NFASC: variants seen among roughly 807,000 people sequenced by gnomAD.
The protein encoded by NFASC is neurofascin homolog.
NFASC carries 43 observed loss-of-function variants against 147.5 expected under a neutral mutation model. That is an observed-to-expected ratio of 0.29 (90% CI 0.23 to 0.38). NFASC has a LOEUF of 0.38. NFASC is among the 10% of genes least tolerant of loss of function. The pLI is 1.00. For missense variants in NFASC, 1,320 were observed against 1,689.0 expected (o/e 0.78, Z 3.83); for synonymous variants, 622 against 665.5 (o/e 0.93, Z 1.01).
rs2095208248 is a variant in NFASC, at chr1:204,970,586, TC to T, written c.1004-26del. 1.9e-6 allele frequency: 3 copies of T among 1,612,702 alleles called. No homozygotes were observed. In the African/African-American group the frequency reaches 4.0e-5, roughly 22 times the overall value. ...TTCTGCCTGTCCCATGCCATCTAAC[TC>T]CCCTGCCTGTGTCTGTCTTGTCTTC... On this transcript the variant is annotated intron_variant, in intron 10 of 29. Coordinates refer to ENST00000339876, the MANE Select transcript of NFASC (RefSeq NM_001005388.3).
chr1:204,838,427 C>A (rs1024113543), intron 1 of NFASC, among the ~76,000 whole-genome samples: 4 of 152,110 alleles, frequency 2.6e-5, no homozygotes, highest in African/African-American at 9.7e-5. Context: ...CATGCTGAAT[C>A]CAAACTGAAG....
chr1:204,994,842 G>A (rs1373259606), intron 24 of NFASC, among the ~76,000 whole-genome samples: 2 of 152,262 alleles, frequency 1.3e-5, no homozygotes, highest in East Asian at 1.9e-4. Flanking sequence ...ATATACTATT[G>A]ATAAGGAACT....
chr1:204,958,314 G>A (rs908329553), intron 8 of NFASC, among the ~76,000 whole-genome samples: 1 of 152,140 alleles, frequency 6.6e-6, no homozygotes, highest in African/African-American at 2.4e-5. Context: ...GAAAATTAGT[G>A]GAGACACCAA....
At chr1:204,926,088 G>A (rs2802851) in intron 2 of NFASC, among the ~76,000 whole-genome samples, 43,755 of 151,026 alleles carry the variant, frequency 0.29, 7,384 homozygotes, top group Non-Finnish European at 0.39. Context: ...CAAGATCTTA[G>A]CCCTAGGTCT....
At chr1:204,941,097 C>T (rs1006555712) in intron 2 of NFASC, among the ~76,000 whole-genome samples, 2 of 152,198 alleles carry the variant, frequency 1.3e-5, no homozygotes, top group Non-Finnish European at 2.9e-5. Context: ...TGGAAAATCC[C>T]TGGACTAGGA....
chr1:205,014,699 G>T (rs1412857502), intron 29 of NFASC, among the ~76,000 whole-genome samples: 1 of 152,142 alleles, frequency 6.6e-6, no homozygotes, highest in Admixed American at 6.5e-5. Flanking sequence ...GCATGCTACA[G>T]ATCTCTTCCC....
chr1:205,001,071 A>G, intron 25 of NFASC, 99 bp from the exon 26 acceptor site: 2 of 736,768 alleles, frequency 2.7e-6, no homozygotes, highest in Middle Eastern at 3.4e-4. Flanking sequence ...GAGTGTGGGC[A>G]TGTGCGTGCA....
At position 204,981,233 on chromosome 1, in the gene NFASC, G is replaced by A. The variant is rs111952993; in HGVS notation, c.2248-565G>A. Among the ~76,000 whole-genome samples the A allele has an allele frequency of 1.2e-3, 190 of 152,376 alleles. 1 individual carries two copies. The highest frequency in any genetic ancestry group is 4.2e-3 in the African/African-American group (176 of 41,594). ...ATTCAGGACCCTGGTCTGTGGCTCT[G>A]TATAGCAGGCTCCAAGAGGACTGAT... On this transcript the variant is annotated intron_variant, in intron 20 of 29. Transcript: ENST00000339876.
intron 1 of NFASC, among the ~76,000 whole-genome samples, chr1:204,886,019 C>T (rs995599588): frequency 6.6e-6 from 1 of 152,216 alleles, no homozygotes; most frequent in Admixed American, 6.5e-5. Flanking sequence ...GGCTGCAGCA[C>T]ATTCTTTGAA....
At chr1:204,884,835 C>A (rs777212305) in intron 1 of NFASC, among the ~76,000 whole-genome samples, 13 of 152,040 alleles carry the variant, frequency 8.6e-5, no homozygotes, top group Non-Finnish European at 1.8e-4. Context: ...ATGCTGGGTG[C>A]TATGGGAAAT....
rs1297621414 is a variant in NFASC, at chr1:204,976,719, G to A, written c.1755G>A (p.Arg585=). The change falls in exon 16 of 30, where the codon CGG becomes CGA. Residue 585 remains arginine (R), a synonymous_variant. Coordinates refer to ENST00000339876, the MANE Select transcript of NFASC (RefSeq NM_001005388.3). Reference sequence around the variant, plus strand: ...TGACCATCTTTGGGGTGGCAGAGCGGGACCAGGGCAGTTACACGTGTGTCG... The same window carrying A: ...TGACCATCTTTGGGGTGGCAGAGCGAGACCAGGGCAGTTACACGTGTGTCG... ...DSLTIFGVAE[R]DQGSYTCVAS... The A allele has an allele frequency of 1.2e-6, 2 of 1,613,892 alleles. No homozygotes were observed. The highest frequency in any genetic ancestry group is 1.7e-6 in the Non-Finnish European group (2 of 1,179,952).
At chr1:204,956,362 C>G (rs564779217) in intron 7 of NFASC, among the ~76,000 whole-genome samples, 2 of 152,320 alleles carry the variant, frequency 1.3e-5, no homozygotes, top group East Asian at 3.9e-4. Context: ...CTCTCCAGCC[C>G]TTGTCTCCCC....
intron 8 of NFASC, among the ~76,000 whole-genome samples, chr1:204,964,702 A>G (rs920578229): frequency 6.6e-6 from 1 of 152,206 alleles, no homozygotes; most frequent in Non-Finnish European, 1.5e-5. Flanking sequence ...ATCTGGCCCC[A>G]TGAGTCTCTG....
intron 2 of NFASC, among the ~76,000 whole-genome samples, chr1:204,924,131 T>A (rs1164592716): frequency 1.3e-5 from 2 of 152,180 alleles, no homozygotes; most frequent in Non-Finnish European, 2.9e-5. Context: ...ATCTTATAAC[T>A]CAGGAAAATC....
Position 204,954,686 on chromosome 1 carries a change from C to A in NFASC, c.413-143C>A. ...AAGGGCGGCCCCTTGAGTAGGCTCA[C>A]GTGCCCCGTCCCTCTCTCTTGCTCC... On this transcript the variant is annotated intron_variant, in intron 6 of 29. Transcript: ENST00000339876. The surrounding 1 kb of genome is among the most constrained non-coding windows in gnomAD (Gnocchi z 5.7). The A allele has an allele frequency of 9.9e-7, 1 of 1,007,860 alleles. No individual in the cohort carries two copies. The highest frequency in any genetic ancestry group is 1.6e-5 in the African/African-American group (1 of 62,114). 62.4% of individuals were successfully genotyped at this position (1,007,860 alleles called of 1,614,324 possible). A position where few individuals can be genotyped will look rare whatever the true frequency, so the allele number is the denominator to read the frequency against.
intron 1 of NFASC, among the ~76,000 whole-genome samples, chr1:204,863,219 C>G (rs1040161163): frequency 6.6e-6 from 1 of 152,168 alleles, no homozygotes; most frequent in Admixed American, 6.5e-5. Context: ...ATCCCCAGCT[C>G]CATGCCATCA....
Position 204,968,021 on chromosome 1 carries a change from G to T in NFASC, c.707-228G>T. On this transcript the variant is annotated intron_variant, in intron 8 of 29. Coordinates refer to ENST00000339876, the MANE Select transcript of NFASC (RefSeq NM_001005388.3). The surrounding 1 kb of genome is among the most constrained non-coding windows in gnomAD (Gnocchi z 5.4). Reference sequence around the variant, plus strand: ...CCTGAGGGAAGCTGGGCTCCTCCAGGCAGATCCTTTCAGAACCTAGAGCTC... The same window carrying T: ...CCTGAGGGAAGCTGGGCTCCTCCAGTCAGATCCTTTCAGAACCTAGAGCTC... The T allele has an allele frequency of 2.1e-6, 1 of 481,796 alleles. No homozygotes were observed. The highest frequency in any genetic ancestry group is 3.8e-6 in the Non-Finnish European group (1 of 265,788). 29.8% of individuals were successfully genotyped at this position (481,796 alleles called of 1,614,324 possible). A position where few individuals can be genotyped will look rare whatever the true frequency, so the allele number is the denominator to read the frequency against.
rs146720742 is a variant in NFASC, at chr1:204,849,371, C to T, written c.-200+20589C>T. ...TAGAAACTGTCAGAGCTTCAAGAGA[C>T]GTTAAAAACAGTCTCTTCTGTGGTT... is the stretch of plus-strand genomic sequence containing the variant. On this transcript the variant is annotated intron_variant, in intron 1 of 29. Transcript: ENST00000339876. Among the ~76,000 whole-genome samples the T allele has an allele frequency of 2.7e-4, 41 of 152,314 alleles. No individual in the cohort carries two copies. In the East Asian group the frequency reaches 6.0e-3, roughly 22 times the overall value.
rs767505631 is a variant in NFASC, at chr1:204,974,580, C to A, written c.1392-77C>A. 4.6e-6 allele frequency: 7 copies of A among 1,517,088 alleles called. 1 individual carries two copies. The East Asian group carries it at 9.0e-5, about 20-fold the overall frequency. The allele number at this position is 1,517,088 out of a possible 1,614,324, so 94.0% of individuals were successfully genotyped here. On this transcript the variant is annotated intron_variant, in intron 13 of 29. Transcript: ENST00000339876. ...GCTCCTTCCACAGCCCCCATGGTCT[C>A]TCTTGATTGGCTGCTGCCCCTGCCC...
Sources: gnomAD v4.1 joint callset for allele counts (sites outside exome capture counted in the v4.1 genomes callset) on GRCh38, gnomAD v4.1.1 for gene constraint, Gnocchi (gnomAD v3.1) non-coding constraint, MANE v1.5 for transcripts, NCBI Gene and HGNC (gene_info 2026-07-23, HGNC 2026-07-21) for gene names.